The following CDK8 variants were observed in gnomAD, a reference collection of about 807,000 sequenced individuals.
CDK8 encodes the protein cyclin dependent kinase 8.
A neutral mutation model predicts 71.5 loss-of-function variants in CDK8; 29 were observed. The ratio of observed to expected loss-of-function variants is 0.41; its 90% CI spans 0.30 to 0.55. The LOEUF (loss-of-function observed/expected upper bound fraction) is 0.55. Ranked by LOEUF, CDK8 falls within the 20% of genes least tolerant of loss-of-function variation. The pLI, the probability that CDK8 is intolerant of heterozygous loss-of-function variation, is 0.37. For synonymous variants in CDK8, 161 were observed against 192.1 expected (o/e 0.84, Z 1.34); for missense variants, 288 against 572.6 (o/e 0.50, Z 5.07).
rs370234816 is a variant in CDK8 at position 26,335,920 on chromosome 13, T to TAATAACAAC, written c.129-1645_129-1644insTAACAACAA. ...AAAATATAATTGATATTCTCTTGCT[T>TAATAACAAC]AACAACAACAACAACAACAACAACA... On this transcript the variant is annotated intron_variant, in intron 1 of 12. Coordinates refer to ENST00000381527, the MANE Select transcript of CDK8 (RefSeq NM_001260.3). Among the ~76,000 whole-genome samples the TAATAACAAC allele has an allele frequency of 5.7e-3, 859 of 150,074 alleles. 10 individuals are homozygous for TAATAACAAC. Among genetic ancestry groups the TAATAACAAC allele is most frequent in the African/African-American group, 0.02 (806 of 40,656 alleles).
At chr13:26,268,896 G>A (rs1042100156) in intron 1 of CDK8, among the ~76,000 whole-genome samples, 1 of 151,980 alleles carries the variant, frequency 6.6e-6, no homozygotes, top group Non-Finnish European at 1.5e-5. Context: ...CTTGTTGGTT[G>A]GCCTTGGTCA....
chr13:26,400,711 G>A (rs1299930497), intron 10 of CDK8, among the ~76,000 whole-genome samples, 161 bp downstream of exon 10: 1 of 151,820 alleles, frequency 6.6e-6, no homozygotes, highest in Non-Finnish European at 1.5e-5. Context: ...TGTCATTTAG[G>A]GGCTTTCCAG....
In CDK8 at chr13:26,254,317, G is replaced by T; in HGVS notation, c.-325G>T. 7.2e-6 allele frequency: 2 copies of T among 278,754 alleles called. No individual in the cohort carries two copies. The highest frequency in any genetic ancestry group is 1.4e-5 in the Non-Finnish European group (2 of 145,676). The allele number at this position is 278,754 out of a possible 1,614,324, so 17.3% of individuals were successfully genotyped here. A position where few individuals can be genotyped will look rare whatever the true frequency, so the allele number is the denominator to read the frequency against. On this transcript the variant is annotated 5_prime_UTR_variant, in exon 1 of 13. Coordinates refer to ENST00000381527, the MANE Select transcript of CDK8 (RefSeq NM_001260.3). This position sits in a 1 kb window ranked among gnomAD's most constrained non-coding sequence, Gnocchi z 6.7. ...GCAGAACGCGCGGCCGGAGAGAGCG[G>T]CGGAGCCGGCGCCCAGGGAGCCCGC...
chr13:26,279,118 C>T (rs9512177), intron 1 of CDK8, among the ~76,000 whole-genome samples: 8,137 of 151,188 alleles, frequency 0.054, 261 homozygotes, highest in South Asian at 0.071. Context: ...ATAACGAACC[C>T]GTGAATCCAT....
At chr13:26,280,839 C>T (rs1236050257) in intron 1 of CDK8, among the ~76,000 whole-genome samples, 1 of 152,206 alleles carries the variant, frequency 6.6e-6, no homozygotes, top group African/African-American at 2.4e-5. Flanking sequence ...CAGCTCTTAA[C>T]TTGGATGGAC....
chr13:26,382,733 A>T, intron 4 of CDK8, 81 bp from the exon 5 acceptor site: 1 of 784,292 alleles, frequency 1.3e-6, no homozygotes, highest in East Asian at 2.6e-5. Flanking sequence ...TAAAAGGTGG[A>T]TTTGTGTTAT....
chr13:26,305,372 C>T (rs1259086106), intron 1 of CDK8, among the ~76,000 whole-genome samples: 1 of 152,076 alleles, frequency 6.6e-6, no homozygotes, highest in Non-Finnish European at 1.5e-5. Context: ...TTTCTCCGGG[C>T]TGCTTTTAAC....
intron 4 of CDK8, among the ~76,000 whole-genome samples, chr13:26,357,161 A>T (rs1198716662): frequency 6.6e-6 from 1 of 152,226 alleles, no homozygotes; most frequent in Non-Finnish European, 1.5e-5. Context: ...TTAATAAATA[A>T]TGATTTATTT....
chr13:26,391,067 A>G (rs1488671467), intron 6 of CDK8, among the ~76,000 whole-genome samples: 1 of 152,090 alleles, frequency 6.6e-6, no homozygotes, highest in African/African-American at 2.4e-5. Context: ...TTTATCTGCA[A>G]TAATAGCCTG....
At chr13:26,313,729 G>A (rs557992236) in intron 1 of CDK8, among the ~76,000 whole-genome samples, 1 of 152,276 alleles carries the variant, frequency 6.6e-6, no homozygotes, top group East Asian at 1.9e-4. Flanking sequence ...TTGATTTGAG[G>A]CGAGTGACTT....
At chr13:26,372,120 T>G (rs1431247726) in intron 4 of CDK8, among the ~76,000 whole-genome samples, 1 of 152,162 alleles carries the variant, frequency 6.6e-6, no homozygotes, top group Non-Finnish European at 1.5e-5. Context: ...ATATGCATGG[T>G]AAGTATTGAC....
chr13:26,285,762 C>T (rs1872985118), intron 1 of CDK8, among the ~76,000 whole-genome samples: 1 of 152,146 alleles, frequency 6.6e-6, no homozygotes, highest in African/African-American at 2.4e-5. Context: ...CAGAAAGCTC[C>T]TTGATCTCAT....
chr13:26,392,542 G>T (rs1470110807), intron 6 of CDK8, among the ~76,000 whole-genome samples: 1 of 151,952 alleles, frequency 6.6e-6, no homozygotes, highest in African/African-American at 2.4e-5. Flanking sequence ...TGGCCAGGCT[G>T]GTCTTGATTT....
chr13:26,319,329 C>T (rs1174656089), intron 1 of CDK8, among the ~76,000 whole-genome samples: 6 of 151,744 alleles, frequency 4.0e-5, no homozygotes, highest in African/African-American at 1.5e-4. Flanking sequence ...AACAGCTGGG[C>T]GTGGTGGCGG....
chr13:26,307,555 AC>A (rs1490082062), intron 1 of CDK8, among the ~76,000 whole-genome samples: 1 of 152,182 alleles, frequency 6.6e-6, no homozygotes, highest in Non-Finnish European at 1.5e-5. Flanking sequence ...GCTCAGTGAG[AC>A]CTATGCTGCA....
chr13:26,278,096 A>C (rs1872620715), intron 1 of CDK8, among the ~76,000 whole-genome samples: 1 of 152,168 alleles, frequency 6.6e-6, no homozygotes, highest in African/African-American at 2.4e-5. Flanking sequence ...CCTAAATGAC[A>C]ATTTGGTGGA....
intron 1 of CDK8, among the ~76,000 whole-genome samples, chr13:26,256,291 A>G (rs1169742056): frequency 1.3e-5 from 2 of 152,196 alleles, no homozygotes; most frequent in Non-Finnish European, 2.9e-5. Context: ...CTGTAATGAC[A>G]TATATTTTTA....
intron 3 of CDK8, among the ~76,000 whole-genome samples, chr13:26,351,474 A>T (rs556897745): frequency 3.3e-5 from 5 of 152,262 alleles, no homozygotes; most frequent in African/African-American, 9.6e-5. Context: ...TAAGAAATAA[A>T]GTCATATAAT....
intron 4 of CDK8, among the ~76,000 whole-genome samples, chr13:26,361,783 CCTTTTTTTT>C (rs1410235595): frequency 6.2e-5 from 7 of 112,226 alleles, no homozygotes; most frequent in African/African-American, 2.6e-4. Context: ...TTTTCTTTTC[CCTTTTTTTT>C]TTTTTTTTTT....
Sources: allele counts gnomAD v4.1 joint callset (sites outside exome capture counted in the v4.1 genomes callset), GRCh38; gene constraint gnomAD v4.1.1; non-coding constraint Gnocchi (gnomAD v3.1); transcripts MANE v1.5; gene names NCBI Gene and HGNC (gene_info 2026-07-23, HGNC 2026-07-21).